ZFYVE9: variants seen among roughly 807,000 people sequenced by gnomAD.
The protein encoded by ZFYVE9 is zinc finger FYVE domain-containing protein 9.
Under a neutral mutation model 126.7 loss-of-function variants are expected in ZFYVE9, and 43 were observed. The ratio of observed to expected loss-of-function variants is 0.34; its 90% confidence interval spans 0.27 to 0.44. The LOEUF (loss-of-function observed/expected upper bound fraction) is 0.44. Ranked by LOEUF, ZFYVE9 falls within the 20% of genes least tolerant of loss-of-function variation. ZFYVE9 has a pLI of 1.00. For missense variants in ZFYVE9, 1,476 were observed against 1,697.0 expected (o/e 0.87, Z 2.29); for synonymous variants, 521 against 597.4 (o/e 0.87, Z 1.87).
chr1:52,344,293 C>T lies in ZFYVE9; in HGVS notation c.3940-475C>T, dbSNP rs547242896. 3.9e-5 allele frequency among the ~76,000 whole-genome samples: 6 copies of T among 152,318 alleles called. No homozygotes were observed. The East Asian group carries it at 1.2e-3, about 29-fold the overall frequency. On this transcript the variant is annotated intron_variant, in intron 17 of 18. Coordinates refer to ENST00000287727, the MANE Select transcript of ZFYVE9 (RefSeq NM_004799.4). ...AGATGCCAGGCTCAGCCTGGCTCTT[C>T]CTCTGTCTCTTAAATTCTTCTGTGC...
At chr1:52,180,601 T>A (rs537089278) in intron 1 of ZFYVE9, 43 of 558,916 alleles carry the variant, frequency 7.7e-5, no homozygotes, top group South Asian at 2.3e-4. Context: ...CTGGATTTTT[T>A]AAAAAAGGAT....
chr1:52,303,521 G>C (rs1047761150), intron 12 of ZFYVE9, among the ~76,000 whole-genome samples: 7 of 152,188 alleles, frequency 4.6e-5, no homozygotes, highest in Non-Finnish European at 8.8e-5. Context: ...GGAGGAGACA[G>C]ATAGTTAACA....
intron 1 of ZFYVE9, among the ~76,000 whole-genome samples, chr1:52,210,260 A>G (rs1350133935): frequency 1.3e-5 from 2 of 152,206 alleles, no homozygotes; most frequent in Non-Finnish European, 2.9e-5. Context: ...TGGAACATTA[A>G]TGAGTCAGAA....
intron 12 of ZFYVE9, among the ~76,000 whole-genome samples, chr1:52,303,298 A>G (rs1186034295): frequency 6.6e-6 from 1 of 152,224 alleles, no homozygotes; most frequent in East Asian, 1.9e-4. Flanking sequence ...ACGGTGACCT[A>G]TAAGAACCTA....
chr1:52,237,406 ATAGT>A, intron 3 of ZFYVE9, 78 bp from the exon 4 acceptor site: 1 of 1,230,760 alleles, frequency 8.1e-7, no homozygotes, highest in Non-Finnish European at 1.1e-6. Flanking sequence ...TTTTCAAACG[ATAGT>A]TAGAAATGTT....
intron 2 of ZFYVE9, among the ~76,000 whole-genome samples, chr1:52,228,773 A>G (rs1171547873): frequency 3.3e-5 from 5 of 152,244 alleles, no homozygotes; most frequent in Admixed American, 6.5e-5. Context: ...GATTGTTCTC[A>G]AAATGTTAAT....
chr1:52,333,727 G>A (rs917652516), intron 14 of ZFYVE9, among the ~76,000 whole-genome samples: 5 of 151,412 alleles, frequency 3.3e-5, no homozygotes, highest in African/African-American at 1.2e-4. Flanking sequence ...AGGCCAAGGC[G>A]AGAGCATCAT....
intron 1 of ZFYVE9, among the ~76,000 whole-genome samples, chr1:52,178,278 CAAAAAAAAA>C (rs78982846): frequency 1.0e-4 from 2 of 19,616 alleles, no homozygotes; most frequent in Non-Finnish European, 2.4e-4. Flanking sequence ...GACTCCATCT[CAAAAAAAAA>C]AAAAAAAAAA....
intron 4 of ZFYVE9, among the ~76,000 whole-genome samples, chr1:52,263,137 C>G (rs914146672): frequency 4.6e-5 from 7 of 150,650 alleles, no homozygotes; most frequent in South Asian, 2.1e-4. Context: ...ATTGTTGTTG[C>G]CTGGTGTAGA....
intron 4 of ZFYVE9, among the ~76,000 whole-genome samples, chr1:52,256,174 T>C (rs192122229): frequency 1.3e-5 from 2 of 151,128 alleles, no homozygotes; most frequent in Non-Finnish European, 2.9e-5. Flanking sequence ...CAAGTGATTC[T>C]CCTGCCTCAG....
intron 1 of ZFYVE9, among the ~76,000 whole-genome samples, chr1:52,152,520 A>G (rs1056530783): frequency 6.6e-6 from 1 of 152,170 alleles, no homozygotes; most frequent in African/African-American, 2.4e-5. Flanking sequence ...TCAGCCAAAA[A>G]TCTAGCTTTT....
intron 10 of ZFYVE9, among the ~76,000 whole-genome samples, chr1:52,288,683 A>T (rs1177272862): frequency 6.6e-6 from 1 of 152,138 alleles, no homozygotes; most frequent in African/African-American, 2.4e-5. Context: ...CACTTTGGGA[A>T]GCCGAGGCAG....
At chr1:52,178,955 C>A in intron 1 of ZFYVE9, among the ~76,000 whole-genome samples, 1 of 152,098 alleles carries the variant, frequency 6.6e-6, no homozygotes, top group East Asian at 1.9e-4. Context: ...CAGGCATGTG[C>A]CACCATGCCT....
At chr1:52,217,883 GT>G (rs1645086900) in intron 2 of ZFYVE9, among the ~76,000 whole-genome samples, 1 of 152,142 alleles carries the variant, frequency 6.6e-6, no homozygotes, top group Non-Finnish European at 1.5e-5. Flanking sequence ...GGGTTATTCT[GT>G]TTTCCCAGAC....
intron 13 of ZFYVE9, among the ~76,000 whole-genome samples, chr1:52,325,132 A>C (rs1478719319): frequency 6.6e-6 from 1 of 152,086 alleles, no homozygotes; most frequent in Non-Finnish European, 1.5e-5. Context: ...ACAAAAAATT[A>C]GCTGGATGTG....
intron 7 of ZFYVE9, among the ~76,000 whole-genome samples, chr1:52,269,275 G>T (rs1347621976): frequency 6.6e-6 from 1 of 151,858 alleles, no homozygotes; most frequent in Non-Finnish European, 1.5e-5. Flanking sequence ...GATTACAGGC[G>T]CCTGCCATCA....
chr1:52,253,742 G>C (rs2124651399), intron 4 of ZFYVE9: 1 of 1,607,960 alleles, frequency 6.2e-7, no homozygotes, highest in East Asian at 2.2e-5. Flanking sequence ...CCAGGATTTG[G>C]AGTGGATCAG....
At chr1:52,151,630 C>T (rs1315923029) in intron 1 of ZFYVE9, among the ~76,000 whole-genome samples, 2 of 151,888 alleles carry the variant, frequency 1.3e-5, no homozygotes, top group African/African-American at 2.4e-5. Flanking sequence ...ATTCTCCTGC[C>T]TCAGCCTCCC....
chr1:52,277,023 C>T (rs1341756144), intron 8 of ZFYVE9, among the ~76,000 whole-genome samples: 4 of 152,188 alleles, frequency 2.6e-5, no homozygotes, highest in Non-Finnish European at 5.9e-5. Flanking sequence ...TACAGTTAAG[C>T]ATTCTTTTGA....
Sources: allele counts gnomAD v4.1 joint callset (sites outside exome capture counted in the v4.1 genomes callset), GRCh38; gene constraint gnomAD v4.1.1; transcripts MANE v1.5; gene names NCBI Gene and HGNC (gene_info 2026-07-23, HGNC 2026-07-21).